Variants in GULP1 observed in about 807,000 individuals in gnomAD.
GULP1 encodes the protein PTB domain-containing engulfment adapter protein 1.
In GULP1, 19 loss-of-function variants were observed where a neutral mutation model predicts 40.9. The observed-to-expected ratio is 0.46, with a 90% CI of 0.32 to 0.68. GULP1 has a LOEUF of 0.68. GULP1 is among the 30% of genes least tolerant of loss of function. The pLI is 0.03. For synonymous variants in GULP1, 119 were observed against 117.6 expected (o/e 1.01, Z -0.08); for missense variants, 312 against 362.2 (o/e 0.86, Z 1.12).
intron 1 of GULP1, among the ~76,000 whole-genome samples, chr2:188,306,152 A>G (rs2037049511): frequency 1.3e-5 from 2 of 152,206 alleles, no homozygotes; most frequent in Non-Finnish European, 2.9e-5. Context: ...AACCTAAGAT[A>G]TAAAATTACT....
intron 1 of GULP1, among the ~76,000 whole-genome samples, chr2:188,366,520 ATGTC>A (rs146094883): frequency 0.012 from 1,726 of 149,894 alleles, 13 homozygotes; most frequent in Non-Finnish European, 0.02. Flanking sequence ...ATTCATTTGC[ATGTC>A]TGTCTATCTA....
chr2:188,414,973 G>T (rs1179424973), intron 2 of GULP1, among the ~76,000 whole-genome samples: 2 of 152,206 alleles, frequency 1.3e-5, no homozygotes, highest in East Asian at 3.9e-4. Flanking sequence ...TGGCCTTATG[G>T]AATAATGTTA....
intron 6 of GULP1, among the ~76,000 whole-genome samples, chr2:188,532,370 A>G (rs2153251367): frequency 6.6e-6 from 1 of 152,292 alleles, no homozygotes; most frequent in East Asian, 1.9e-4. Flanking sequence ...GTCCTTAGAA[A>G]TGCATAAAAT....
intron 4 of GULP1, among the ~76,000 whole-genome samples, chr2:188,515,014 C>T (rs979253195): frequency 3.3e-5 from 5 of 152,110 alleles, no homozygotes; most frequent in African/African-American, 9.7e-5. Flanking sequence ...AATGAACATC[C>T]GTGCAGGACA....
chr2:188,338,998 A>G (rs1047480666), intron 1 of GULP1, among the ~76,000 whole-genome samples: 5 of 152,156 alleles, frequency 3.3e-5, no homozygotes, highest in African/African-American at 1.2e-4. Flanking sequence ...AATGCTCTTT[A>G]TGATGACTAC....
At chr2:188,515,625 C>T (rs1368379449) in intron 4 of GULP1, among the ~76,000 whole-genome samples, 1 of 151,932 alleles carries the variant, frequency 6.6e-6, no homozygotes, top group Non-Finnish European at 1.5e-5. Context: ...CCCAGTCCAT[C>T]TGTGTGATCA....
At chr2:188,548,126 A>G (rs1291336158) in intron 7 of GULP1, among the ~76,000 whole-genome samples, 1 of 152,084 alleles carries the variant, frequency 6.6e-6, no homozygotes, top group Non-Finnish European at 1.5e-5. Flanking sequence ...AGCTCTAGCC[A>G]TTGCAGCAAG....
At chr2:188,406,826 T>G (rs967477860) in intron 2 of GULP1, among the ~76,000 whole-genome samples, 1 of 151,836 alleles carries the variant, frequency 6.6e-6, no homozygotes, top group Non-Finnish European at 1.5e-5. Context: ...TTAAAGAAAC[T>G]TATTTAAAGG....
chr2:188,498,898 AG>A (rs2063155551), intron 4 of GULP1, among the ~76,000 whole-genome samples: 1 of 151,472 alleles, frequency 6.6e-6, no homozygotes, highest in Non-Finnish European at 1.5e-5. Context: ...ACACAAGATC[AG>A]GTGAAATCTG....
At chr2:188,565,884 A>T (rs1697535517) in intron 7 of GULP1, among the ~76,000 whole-genome samples, 1 of 152,132 alleles carries the variant, frequency 6.6e-6, no homozygotes, top group Admixed American at 6.5e-5. Flanking sequence ...ACACGTATGA[A>T]ACTCAGAAAC....
chr2:188,587,603 A>T (rs1449327793), intron 10 of GULP1, among the ~76,000 whole-genome samples: 2 of 152,132 alleles, frequency 1.3e-5, no homozygotes, highest in African/African-American at 2.4e-5. Flanking sequence ...AGAAATCTTC[A>T]CTAAAACACA....
intron 2 of GULP1, among the ~76,000 whole-genome samples, chr2:188,389,943 A>G (rs2050287239): frequency 6.6e-6 from 1 of 151,624 alleles, no homozygotes; most frequent in African/African-American, 2.4e-5. Context: ...GCTGCAAAAG[A>G]CATTATTTCA....
At position 188,363,446 on chromosome 2, in the gene GULP1, A is replaced by C. The variant is rs527499489; in HGVS notation, c.-171-20317A>C. 1.9e-4 allele frequency among the ~76,000 whole-genome samples: 29 copies of C among 152,288 alleles called. No homozygotes were observed. The South Asian group carries it at 6.0e-3, about 32-fold the overall frequency. On this transcript the variant is annotated intron_variant, in intron 1 of 11. Transcript: ENST00000409830. ...CTAATTATGGAGGAGTGTAAAATTT[A>C]TCTTGAAAATTCCAAGGAAACATTG...
chr2:188,578,136 C>T (rs538259797), intron 9 of GULP1, among the ~76,000 whole-genome samples: 1 of 151,962 alleles, frequency 6.6e-6, no homozygotes, highest in South Asian at 2.1e-4. Context: ...ATTGCCAGTG[C>T]AATTAACAGC....
intron 2 of GULP1, among the ~76,000 whole-genome samples, chr2:188,386,217 A>G (rs968743637): frequency 6.6e-6 from 1 of 152,202 alleles, no homozygotes; most frequent in Non-Finnish European, 1.5e-5. Flanking sequence ...ACACAGCAGC[A>G]GACAAGAGAA....
At position 188,497,384 on chromosome 2, in the gene GULP1, A is replaced by G. The variant is rs140750805; in HGVS notation, c.90+13892A>G. ...CCAAACAACAGGACATTAATTGACT[A>G]AGTGGGTGCAGTGTGTTTCTATGAC... On this transcript the variant is annotated intron_variant, in intron 4 of 11. Coordinates refer to ENST00000409830, the MANE Select transcript of GULP1 (RefSeq NM_016315.4). 9.3e-3 allele frequency among the ~76,000 whole-genome samples: 1,417 copies of G among 152,108 alleles called. 32 individuals are homozygous for G. Among genetic ancestry groups the G allele is most frequent in the African/African-American group, 0.032 (1,331 of 41,530 alleles).
intron 1 of GULP1, among the ~76,000 whole-genome samples, chr2:188,306,830 T>C (rs1256313035): frequency 6.6e-6 from 1 of 152,230 alleles, no homozygotes; most frequent in Admixed American, 6.5e-5. Flanking sequence ...TCTGCCAATA[T>C]GTCTAGGCAA....
intron 1 of GULP1, among the ~76,000 whole-genome samples, chr2:188,383,464 G>A (rs948065382): frequency 2.0e-5 from 3 of 152,072 alleles, no homozygotes; most frequent in Admixed American, 1.3e-4. Context: ...CTTGTTCAAG[G>A]GGGAAAGGCA....
At chr2:188,315,959 T>G (rs927930007) in intron 1 of GULP1, among the ~76,000 whole-genome samples, 6 of 152,124 alleles carry the variant, frequency 3.9e-5, no homozygotes, top group African/African-American at 9.6e-5. Flanking sequence ...AGTGAATGAA[T>G]GTAAGAAACA....
Sources: allele counts gnomAD v4.1 joint callset (sites outside exome capture counted in the v4.1 genomes callset), GRCh38; gene constraint gnomAD v4.1.1; transcripts MANE v1.5; gene names NCBI Gene and HGNC (gene_info 2026-07-23, HGNC 2026-07-21).